Variants in ZNF214 observed in about 807,000 individuals in gnomAD.
ZNF214 encodes BWSCR2-associated zinc finger protein 1.
ZNF214 carries 43 observed loss-of-function variants against 53.9 expected under a neutral mutation model. That is an observed-to-expected ratio of 0.80 (90% CI 0.63 to 1.03). The LOEUF (loss-of-function observed/expected upper bound fraction) is 1.03, where lower values mean the gene tolerates loss of function less well. ZNF214 is among the 50% of genes least tolerant of loss of function. The pLI, the probability that ZNF214 is intolerant of heterozygous loss-of-function variation, is 0.00. For synonymous variants in ZNF214, 217 were observed against 229.5 expected (o/e 0.95, Z 0.49); for missense variants, 724 against 719.1 (o/e 1.01, Z -0.08).
At chr11:7,004,778 G>T (rs1455051231) in intron 1 of ZNF214, among the ~76,000 whole-genome samples, 1 of 152,016 alleles carries the variant, frequency 6.6e-6, no homozygotes, top group Non-Finnish European at 1.5e-5. Context: ...CTTAGAAGTG[G>T]ATCCTCCAAC....
intron 2 of ZNF214, 22 bp downstream of exon 2, chr11:7,002,687 C>T (rs768834196): frequency 1.9e-6 from 3 of 1,576,868 alleles, no homozygotes; most frequent in Middle Eastern, 1.7e-4. Flanking sequence ...ACTCTATTCC[C>T]TATGAGACGG....
chr11:6,999,229 A>G lies in ZNF214; in HGVS notation c.*633T>C, dbSNP rs761290418. 2 of 152,192 alleles carry G rather than the reference A, an allele frequency of 1.3e-5. No homozygotes were observed. Among genetic ancestry groups the G allele is most frequent in the Non-Finnish European group, 2.9e-5 (2 of 68,128 alleles). The allele number at this position is 152,192 out of a possible 1,614,324, so 9.4% of individuals were successfully genotyped here. On this transcript the variant is annotated 3_prime_UTR_variant, in exon 3 of 3. Coordinates refer to ENST00000278314, the MANE Select transcript of ZNF214 (RefSeq NM_013249.4). ...GTGCACTGTAGTCACCTCAAAGTGAAGCACCCCTGCAACAGAAGGATGGTC... is the reference window on the plus strand; with the variant it reads ...GTGCACTGTAGTCACCTCAAAGTGAGGCACCCCTGCAACAGAAGGATGGTC...
At chr11:7,008,419 C>T (rs918322454) in intron 1 of ZNF214, among the ~76,000 whole-genome samples, 8 of 151,934 alleles carry the variant, frequency 5.3e-5, no homozygotes, top group South Asian at 2.1e-4. Flanking sequence ...CAAGACAGAG[C>T]GAGATGCTGT....
chr11:7,013,721 G>A (rs1160412033), intron 1 of ZNF214, among the ~76,000 whole-genome samples: 1 of 152,000 alleles, frequency 6.6e-6, no homozygotes, highest in Non-Finnish European at 1.5e-5. Context: ...TCACCCCCAC[G>A]ACCTGGTGTT....
chr11:7,005,138 T>G (rs904483881), intron 1 of ZNF214, among the ~76,000 whole-genome samples: 1 of 151,824 alleles, frequency 6.6e-6, no homozygotes, highest in Non-Finnish European at 1.5e-5. Context: ...GTCTATATGA[T>G]AAATATAAAT....
In ZNF214 at chr11:6,999,745, C is replaced by G. The variant is rs2133376189; in HGVS notation, c.*117G>C. 1 of 1,149,156 alleles carries G rather than the reference C, an allele frequency of 8.7e-7. No individual in the cohort carries two copies. The highest frequency in any genetic ancestry group is 1.9e-5 in the South Asian group (1 of 52,896). 71.2% of individuals were successfully genotyped at this position (1,149,156 alleles called of 1,614,324 possible). On this transcript the variant is annotated 3_prime_UTR_variant, in exon 3 of 3. Transcript: ENST00000278314. Reference sequence around the variant, plus strand: ...AATTCTTAGTGGGAGATAGGGGAAACTATAAATGTTGCTTGGGATTACTTG... The same window carrying G: ...AATTCTTAGTGGGAGATAGGGGAAAGTATAAATGTTGCTTGGGATTACTTG...
intron 1 of ZNF214, among the ~76,000 whole-genome samples, chr11:7,015,054 A>G (rs1258260720): frequency 6.8e-6 from 1 of 147,644 alleles, no homozygotes; most frequent in Non-Finnish European, 1.5e-5. Context: ...CTAAGAGTAT[A>G]CAAAAAGAGT....
At chr11:7,013,625 G>A (rs1851665695) in intron 1 of ZNF214, among the ~76,000 whole-genome samples, 2 of 152,106 alleles carry the variant, frequency 1.3e-5, no homozygotes, top group Admixed American at 6.6e-5. Context: ...CGCAGCCTCC[G>A]TACAATAGCG....
chr11:7,003,120 T>G (rs887853815), intron 1 of ZNF214, among the ~76,000 whole-genome samples: 2 of 152,116 alleles, frequency 1.3e-5, no homozygotes, highest in East Asian at 1.9e-4. Flanking sequence ...AGAAATCCCA[T>G]GTTGTAGGTA....
intron 1 of ZNF214, among the ~76,000 whole-genome samples, chr11:7,017,549 C>A (rs979168774): frequency 6.6e-6 from 1 of 151,980 alleles, no homozygotes; most frequent in Non-Finnish European, 1.5e-5. Flanking sequence ...CCAGCCTGGG[C>A]AACACGGTGA....
chr11:7,019,372 A>G (rs1851855935), intron 1 of ZNF214, among the ~76,000 whole-genome samples: 1 of 152,034 alleles, frequency 6.6e-6, no homozygotes, highest in Admixed American at 6.6e-5. Context: ...AAAAGATACA[A>G]CTCACTTATT....
At position 7,000,704 on chromosome 11, in the gene ZNF214, C is replaced by G. The variant is rs757882276; in HGVS notation, c.979G>C (p.Glu327Gln). ...CACTCAATTTTATAGAATTTCTCTT[C>G]TGTGTGGACTCTTTGATGATTGTGA... ...SLHNHQRVHT[E>Q]EKFYKIECDK... The change falls in exon 3 of 3, where the codon GAA (glutamate) becomes CAA (glutamine). Residue 327 changes from glutamate (E) to glutamine (Q), a missense_variant. By Grantham distance (29) the Glu-to-Gln change is conservative. Coordinates refer to ENST00000278314, the MANE Select transcript of ZNF214 (RefSeq NM_013249.4). 2 of 1,606,444 alleles carry G rather than the reference C, an allele frequency of 1.2e-6. No individual in the cohort carries two copies.
chr11:7,019,149 G>A (rs1187025867), intron 1 of ZNF214, among the ~76,000 whole-genome samples: 1 of 152,184 alleles, frequency 6.6e-6, no homozygotes, highest in African/African-American at 2.4e-5. Flanking sequence ...TGAGACGGCT[G>A]AGCTGAGGAG....
chr11:7,007,674 A>G (rs906963100), intron 1 of ZNF214, among the ~76,000 whole-genome samples: 3 of 151,968 alleles, frequency 2.0e-5, no homozygotes, highest in Non-Finnish European at 4.4e-5. Context: ...AGTTGTAATG[A>G]TAGATATTAA....
intron 1 of ZNF214, among the ~76,000 whole-genome samples, chr11:7,008,996 G>C (rs1326647769): frequency 6.6e-6 from 1 of 151,702 alleles, no homozygotes; most frequent in African/African-American, 2.4e-5. Context: ...AATCAAAATG[G>C]CCATACTGAA....
chr11:7,009,729 G>A (rs10769751), intron 1 of ZNF214, among the ~76,000 whole-genome samples: 88,277 of 151,750 alleles, frequency 0.58, 26,579 homozygotes, highest in East Asian at 0.74. Context: ...CAAATTAACA[G>A]GCAAAAAACA....
rs1851263562 is a variant in ZNF214, at chr11:6,999,399, T to G, written c.*463A>C. On this transcript the variant is annotated 3_prime_UTR_variant, in exon 3 of 3. Transcript: ENST00000278314. Reference sequence around the variant, plus strand: ...GGCCAAAACTGAGTTTTAAGTTCTATGTGTTTCCATCTTTTCTGTTACTTC... The same window carrying G: ...GGCCAAAACTGAGTTTTAAGTTCTAGGTGTTTCCATCTTTTCTGTTACTTC... The G allele has an allele frequency of 6.5e-6, 1 of 153,216 alleles. No homozygotes were observed. The highest frequency in any genetic ancestry group is 2.0e-4 in the South Asian group (1 of 4,888). 9.5% of individuals were successfully genotyped at this position (153,216 alleles called of 1,614,324 possible).
At chr11:7,003,233 G>A (rs1469315913) in intron 1 of ZNF214, among the ~76,000 whole-genome samples, 3 of 151,820 alleles carry the variant, frequency 2.0e-5, no homozygotes, top group African/African-American at 7.3e-5. Context: ...ATCATAAATT[G>A]GTTATGTGAC....
chr11:7,004,505 C>G (rs1851430362), intron 1 of ZNF214, among the ~76,000 whole-genome samples: 1 of 152,040 alleles, frequency 6.6e-6, no homozygotes, highest in African/African-American at 2.4e-5. Context: ...TTCCCCACCC[C>G]TTGAATATAG....
Sources: allele counts gnomAD v4.1 joint callset (sites outside exome capture counted in the v4.1 genomes callset), GRCh38; gene constraint gnomAD v4.1.1; transcripts MANE v1.5; gene names NCBI Gene and HGNC (gene_info 2026-07-23, HGNC 2026-07-21).